The following KLHL6 variants were observed in gnomAD, a reference collection of about 807,000 sequenced individuals.
The protein encoded by KLHL6 is kelch like family member 6, also known as kelch-like protein 6.
In KLHL6, 41 loss-of-function variants were observed where a neutral mutation model predicts 58.6. That is an observed-to-expected ratio of 0.70 (90% CI 0.55 to 0.91). The LOEUF (loss-of-function observed/expected upper bound fraction) is 0.91. KLHL6 is among the 40% of genes least tolerant of loss of function. KLHL6 has a pLI of 0.00. For missense variants in KLHL6, 714 were observed against 805.6 expected, an observed-to-expected ratio of 0.89 and a Z score of 1.38; for synonymous variants, 338 against 322.7, an observed-to-expected ratio of 1.05 and a Z score of -0.51.
At chr3:183,537,725 C>T (rs895447272) in intron 1 of KLHL6, among the ~76,000 whole-genome samples, 1 of 152,184 alleles carries the variant, frequency 6.6e-6, no homozygotes, top group Non-Finnish European at 1.5e-5. Flanking sequence ...CAGGCTTCCT[C>T]ACCTCAGGTC....
chr3:183,517,585 T>G (rs1388833349), intron 2 of KLHL6, among the ~76,000 whole-genome samples: 2 of 152,178 alleles, frequency 1.3e-5, no homozygotes, highest in Non-Finnish European at 2.9e-5. Context: ...GGGCAGGTGT[T>G]GAGGGACTGA....
At chr3:183,524,793 T>C (rs1711894649) in intron 2 of KLHL6, among the ~76,000 whole-genome samples, 1 of 152,236 alleles carries the variant, frequency 6.6e-6, no homozygotes, top group Non-Finnish European at 1.5e-5. Context: ...AGCACTGAGA[T>C]AATCTGATTC....
chr3:183,508,594 A>C, intron 2 of KLHL6, 86 bp from the exon 3 acceptor site: 6 of 1,170,596 alleles, frequency 5.1e-6, no homozygotes, highest in Non-Finnish European at 7.2e-6. Context: ...TATTAGCCAA[A>C]AATTGGAAAC....
rs1254176027 is a variant in KLHL6 at position 183,492,674 on chromosome 3, C to A, written c.1384G>T (p.Ala462Ser). 1 of 1,613,812 alleles carries A rather than the reference C, an allele frequency of 6.2e-7. No individual in the cohort carries two copies. The highest frequency in any genetic ancestry group is 1.7e-5 in the Admixed American group (1 of 60,024). The change falls in exon 6 of 7, where the codon GCA becomes TCA. Residue 462 changes from alanine (A) to serine (S), a missense_variant. Ala to Ser is a moderately conservative substitution (Grantham distance 99, BLOSUM62 1). Transcript: ENST00000341319. This position sits in a 1 kb window ranked among gnomAD's most constrained non-coding sequence, Gnocchi z 5.9. ...APLLVHVSSF[A>S]ATSHKKKLYV... ...AGCTTCTTCTTATGGCTGGTGGCTG[C>A]AAAGGAACTGACATGGACAAGGAGG...
intron 2 of KLHL6, chr3:183,521,917 A>T (rs1319172424): frequency 6.7e-6 from 1 of 148,492 alleles, no homozygotes; most frequent in Non-Finnish European, 1.5e-5. Flanking sequence ...CTGGTCTCGA[A>T]CTCCTGACCT....
chr3:183,555,008 T>A (rs1713057313), intron 1 of KLHL6, among the ~76,000 whole-genome samples: 1 of 151,682 alleles, frequency 6.6e-6, no homozygotes, highest in Non-Finnish European at 1.5e-5. Flanking sequence ...CTATTGAAAA[T>A]ACAAAATTAT....
intron 2 of KLHL6, among the ~76,000 whole-genome samples, chr3:183,525,629 C>G (rs1240360018): frequency 3.3e-5 from 5 of 152,204 alleles, no homozygotes; most frequent in Admixed American, 6.5e-5. Context: ...GGGTTTAAAC[C>G]TAGGTCTGCT....
chr3:183,541,959 A>G (rs1712568866), intron 1 of KLHL6, among the ~76,000 whole-genome samples: 1 of 152,014 alleles, frequency 6.6e-6, no homozygotes, highest in African/African-American at 2.4e-5. Flanking sequence ...CTCAGCAAAG[A>G]GTGGAGTCAG....
chr3:183,506,586 G>C (rs1234979211), intron 3 of KLHL6, among the ~76,000 whole-genome samples: 1 of 152,158 alleles, frequency 6.6e-6, no homozygotes, highest in African/African-American at 2.4e-5. Context: ...CTAGCACTTT[G>C]GGAGGCTGAG....
At chr3:183,552,015 A>G (rs1353500097) in intron 1 of KLHL6, 1 of 152,214 alleles carries the variant, frequency 6.6e-6, no homozygotes, top group Non-Finnish European at 1.5e-5. Flanking sequence ...AAAAATGCAA[A>G]TTAAAGCTAA....
chr3:183,513,524 A>C (rs1338893231), intron 2 of KLHL6, among the ~76,000 whole-genome samples: 1 of 152,352 alleles, frequency 6.6e-6, no homozygotes, highest in Non-Finnish European at 1.5e-5. Context: ...AGGACTAGCC[A>C]ACAAGATGCC....
chr3:183,522,714 C>A (rs1329567584), intron 2 of KLHL6: 1 of 152,208 alleles, frequency 6.6e-6, no homozygotes, highest in Non-Finnish European at 1.5e-5. Flanking sequence ...TTTCTTGGCC[C>A]ACACCATTTC....
At chr3:183,501,771 G>A (rs139690509) in intron 3 of KLHL6, among the ~76,000 whole-genome samples, 2 of 152,206 alleles carry the variant, frequency 1.3e-5, no homozygotes, top group East Asian at 3.9e-4. Flanking sequence ...ACCCTTTAAG[G>A]CACTGTGAGT....
chr3:183,555,694 G>A lies in KLHL6; in HGVS notation c.-41C>T, dbSNP rs1713102402. 1.3e-6 allele frequency: 2 copies of A among 1,533,000 alleles called. No homozygotes were observed. Among genetic ancestry groups the A allele is most frequent in the Non-Finnish European group, 1.7e-6 (2 of 1,144,980 alleles). The allele number at this position is 1,533,000 out of a possible 1,614,324, so 95.0% of individuals were successfully genotyped here. ...GCCCAAGTGTCAGGCAGGCCCCATT[G>A]CAGGAGCTGAGCGGATTTCCTGTGC... On this transcript the variant is annotated 5_prime_UTR_variant, in exon 1 of 7. Transcript: ENST00000341319.
At chr3:183,528,258 T>C (rs950951681) in intron 1 of KLHL6, among the ~76,000 whole-genome samples, 2 of 152,198 alleles carry the variant, frequency 1.3e-5, no homozygotes, top group African/African-American at 2.4e-5. Flanking sequence ...CCCAGATCTA[T>C]TTTATTGGCT....
Position 183,499,320 on chromosome 3 carries a change from T to C in KLHL6, c.1147+270A>G, listed in dbSNP as rs770056034. 2.0e-5 allele frequency among the ~76,000 whole-genome samples: 3 copies of C among 151,120 alleles called. No homozygotes were observed. Among genetic ancestry groups the C allele is most frequent in the Non-Finnish European group, 4.4e-5 (3 of 67,808 alleles). ...AAGATTGCGCCACTGCACTCCAGCC[T>C]GAGCAACAGAGCGAGACGCTGTCTC... On this transcript the variant is annotated intron_variant, in intron 4 of 6. Transcript: ENST00000341319. This position sits in a 1 kb window ranked among gnomAD's most constrained non-coding sequence, Gnocchi z 4.6.
intron 1 of KLHL6, among the ~76,000 whole-genome samples, chr3:183,545,246 T>G (rs746891783): frequency 1.3e-5 from 2 of 152,118 alleles, no homozygotes; most frequent in Non-Finnish European, 2.9e-5. Flanking sequence ...TGCTCACCAA[T>G]AAAGGAATAT....
At chr3:183,543,375 G>C (rs895503121) in intron 1 of KLHL6, among the ~76,000 whole-genome samples, 10 of 151,962 alleles carry the variant, frequency 6.6e-5, no homozygotes, top group Admixed American at 5.2e-4. Flanking sequence ...CACTGGAGGA[G>C]CATGGGAGGA....
In KLHL6 at chr3:183,504,554, G is replaced by A. The variant is rs550506380; in HGVS notation, c.909+3505C>T. 2.0e-5 allele frequency among the ~76,000 whole-genome samples: 3 copies of A among 152,312 alleles called. No individual in the cohort carries two copies. The East Asian group carries it at 5.8e-4, about 29-fold the overall frequency. On this transcript the variant is annotated intron_variant, in intron 3 of 6. Coordinates refer to ENST00000341319, the MANE Select transcript of KLHL6 (RefSeq NM_130446.4). ...CATTGCAGCAATTTTGCAGAAGACA[G>A]GGTAGGGACCTTTTATATCAGAGAA... is the stretch of plus-strand genomic sequence containing the variant.
Sources: allele counts gnomAD v4.1 joint callset (sites outside exome capture counted in the v4.1 genomes callset), GRCh38; gene constraint gnomAD v4.1.1; non-coding constraint Gnocchi (gnomAD v3.1); transcripts MANE v1.5; gene names NCBI Gene and HGNC (gene_info 2026-07-23, HGNC 2026-07-21).